Variants in TMA16 observed in about 807,000 individuals in gnomAD.
TMA16 encodes translation machinery associated 16 homolog.
A neutral mutation model predicts 27.1 loss-of-function variants in TMA16; 26 were observed. That is an observed-to-expected ratio of 0.96 (90% CI 0.70 to 1.33). TMA16 has a LOEUF of 1.33. Ranked by LOEUF, TMA16 falls within the 40% of genes most tolerant of loss-of-function variation. The pLI, the probability that TMA16 is intolerant of heterozygous loss-of-function variation, is 0.00. For synonymous variants in TMA16, 71 were observed against 81.9 expected, an observed-to-expected ratio of 0.87 and a Z score of 0.72; for missense variants, 233 against 241.4, an observed-to-expected ratio of 0.97 and a Z score of 0.23.
chr4:163,498,522 C>T (rs1219366914), intron 1 of TMA16, among the ~76,000 whole-genome samples: 1 of 152,112 alleles, frequency 6.6e-6, no homozygotes, highest in Non-Finnish European at 1.5e-5. Context: ...CTCCTGACCT[C>T]ATGATCTGCC....
intron 1 of TMA16, among the ~76,000 whole-genome samples, chr4:163,499,195 T>A (rs1212210013): frequency 6.6e-6 from 1 of 152,210 alleles, no homozygotes. Flanking sequence ...CTTTTGCTGA[T>A]CTTTTTCATA....
intron 6 of TMA16, 74 bp downstream of exon 6, chr4:163,517,550 G>A (rs1191446529): frequency 6.7e-6 from 9 of 1,339,322 alleles, no homozygotes; most frequent in Non-Finnish European, 8.3e-6. Context: ...TCCCCTTTGA[G>A]TCTAGCCGGT....
In TMA16 at chr4:163,494,734, C is replaced by T; in HGVS notation, c.-68C>T. Reference sequence around the variant, plus strand: ...GCCCGGGTGCTCTTGTGAGCTGCTGCTCCTGCGGTTGGTGAGATTACCTGG... The same window carrying T: ...GCCCGGGTGCTCTTGTGAGCTGCTGTTCCTGCGGTTGGTGAGATTACCTGG... On this transcript the variant is annotated 5_prime_UTR_variant, in exon 1 of 7. Coordinates refer to ENST00000358572, the MANE Select transcript of TMA16 (RefSeq NM_018352.3). The T allele has an allele frequency of 6.2e-7, 1 of 1,611,040 alleles. No individual in the cohort carries two copies. The highest frequency in any genetic ancestry group is 8.5e-7 in the Non-Finnish European group (1 of 1,178,332).
intron 2 of TMA16, 24 bp from the exon 3 acceptor site, chr4:163,512,798 C>T (rs1392184466): frequency 2.5e-6 from 4 of 1,578,758 alleles, no homozygotes; most frequent in South Asian, 1.2e-5. Context: ...TTTTCTAACA[C>T]ATATATTTAC....
intron 6 of TMA16, among the ~76,000 whole-genome samples, chr4:163,518,936 A>G (rs1417269124): frequency 6.6e-6 from 1 of 152,202 alleles, no homozygotes; most frequent in African/African-American, 2.4e-5. Context: ...TATTCACATT[A>G]CGTCTAAAGT....
intron 5 of TMA16, 80 bp from the exon 6 acceptor site, chr4:163,517,353 TA>T: frequency 1.5e-6 from 2 of 1,373,716 alleles, no homozygotes; most frequent in South Asian, 1.2e-5. Context: ...ATATTCTTGC[TA>T]AAAATTATTA....
chr4:163,513,592 C>A (rs1209600353), intron 3 of TMA16, among the ~76,000 whole-genome samples: 1 of 152,010 alleles, frequency 6.6e-6, no homozygotes, highest in African/African-American at 2.4e-5. Context: ...AACTTTGGGG[C>A]CCTGGACAGG....
intron 1 of TMA16, among the ~76,000 whole-genome samples, chr4:163,495,155 T>C (rs548660954): frequency 6.6e-6 from 1 of 152,326 alleles, no homozygotes; most frequent in Non-Finnish European, 1.5e-5. Flanking sequence ...TCGCTGGCCC[T>C]ACACACCTCT....
At chr4:163,517,527 A>G (rs1737899885) in intron 6 of TMA16, 51 bp downstream of exon 6, 3 of 1,523,908 alleles carry the variant, frequency 2.0e-6, no homozygotes, top group Non-Finnish European at 2.7e-6. Context: ...AGTACCTGAC[A>G]GGTGAACTTT....
chr4:163,498,477 C>T (rs573408420), intron 1 of TMA16, among the ~76,000 whole-genome samples: 6 of 151,852 alleles, frequency 4.0e-5, no homozygotes, highest in South Asian at 4.2e-4. Flanking sequence ...TTAGTAGAGA[C>T]GGGGTTTCAC....
In TMA16 at chr4:163,515,398, C is replaced by T. The variant is rs370504762; in HGVS notation, c.325C>T (p.Arg109Trp). 1.1e-5 allele frequency: 18 copies of T among 1,613,892 alleles called. No individual in the cohort carries two copies. Among genetic ancestry groups the T allele is most frequent in the East Asian group, 4.5e-5 (2 of 44,876 alleles). ...CAGGCAGGGGAGGCGGCACTGTTCC[C>T]GGGAGACCGTCATCAAGCAGACGAT... ...RDRQGRRHCS[R>W]ETVIKQTMER... Residue 109 changes from arginine (R) to tryptophan (W), a missense_variant, in exon 5 of 7, where the codon CGG (arginine) becomes TGG (tryptophan). By Grantham distance (101) the Arg-to-Trp change is moderately radical. Coordinates refer to ENST00000358572, the MANE Select transcript of TMA16 (RefSeq NM_018352.3).
rs1004322745 is a variant in TMA16, at chr4:163,519,487, A to G, written c.585A>G (p.Ser195=). The change falls in exon 7 of 7, where the codon TCA becomes TCG. Residue 195 remains serine (S), a synonymous_variant. Coordinates refer to ENST00000358572, the MANE Select transcript of TMA16 (RefSeq NM_018352.3). ...AACTAAACGATGAATCAAGTGATTC[A>G]GATGAGGAAATGACTGCAGTGGCCT... is the stretch of plus-strand genomic sequence containing the variant. ...ELELNDESSD[S]DEEMTAVA 1.3e-6 allele frequency: 2 copies of G among 1,599,930 alleles called. No homozygotes were observed. The highest frequency in any genetic ancestry group is 2.7e-5 in the African/African-American group (2 of 74,158).
Position 163,519,383 on chromosome 4 carries a change from A to G in TMA16, c.481A>G (p.Ile161Val). 1 of 1,605,878 alleles carries G rather than the reference A, an allele frequency of 6.2e-7. No individual in the cohort carries two copies. Among genetic ancestry groups the G allele is most frequent in the Admixed American group, 1.7e-5 (1 of 58,084 alleles). The stretch of plus-strand genomic sequence containing the variant: ...ATTACCAAACATTAAAATGAGAAAA[A>G]TTTGCGCTAATGATGCAATTCCCAA... The part of the protein sequence containing the change: ...KKLPNIKMRK[I>V]CANDAIPKTC... The change falls in exon 7 of 7, where the codon ATT becomes GTT. Residue 161 changes from isoleucine to valine, a missense_variant. Physicochemically the swap from Ile to Val is conservative, Grantham distance 29 (BLOSUM62 3). Coordinates refer to ENST00000358572, the MANE Select transcript of TMA16 (RefSeq NM_018352.3).
rs1400909393 is a variant in TMA16, at chr4:163,517,118, GGT to G, written c.389-315_389-314del. On this transcript the variant is annotated intron_variant, in intron 5 of 6. Transcript: ENST00000358572. ...GGGGTTTCACCTTGTTAGCCAGGAT[GGT>G]CTTGATCTCCTGACCTCCTGATCCA... 3.8e-5 allele frequency: 10 copies of G among 261,230 alleles called. No individual in the cohort carries two copies. In the East Asian group the frequency reaches 1.2e-3, roughly 32 times the overall value. The allele number at this position is 261,230 out of a possible 1,614,324, so 16.2% of individuals were successfully genotyped here.
chr4:163,515,531 G>T, intron 5 of TMA16, 70 bp downstream of exon 5: 2 of 1,416,146 alleles, frequency 1.4e-6, no homozygotes, highest in South Asian at 1.7e-5. Flanking sequence ...GATTTCAAAG[G>T]TTTTATTTTA....
chr4:163,494,919 G>A, intron 1 of TMA16, 115 bp downstream of exon 1: 3 of 1,484,806 alleles, frequency 2.0e-6, no homozygotes, highest in African/African-American at 1.4e-5. Context: ...AGGATGCAAA[G>A]TGTTTATTTT....
chr4:163,495,450 C>T (rs572483197), intron 1 of TMA16, among the ~76,000 whole-genome samples: 26 of 152,276 alleles, frequency 1.7e-4, no homozygotes, highest in African/African-American at 6.3e-4. Flanking sequence ...CTTCTTTGAA[C>T]TTTCAGGAAA....
intron 1 of TMA16, among the ~76,000 whole-genome samples, chr4:163,503,714 T>A (rs1215847095): frequency 6.6e-6 from 1 of 152,200 alleles, no homozygotes; most frequent in African/African-American, 2.4e-5. Context: ...CAGAGTCTTT[T>A]CATAGGCATA....
chr4:163,498,993 T>A (rs1461184248), intron 1 of TMA16, among the ~76,000 whole-genome samples: 1 of 149,432 alleles, frequency 6.7e-6, no homozygotes, highest in Non-Finnish European at 1.5e-5. Flanking sequence ...TCCAGAAGAC[T>A]GTACTGGCTT....
Sources: gnomAD v4.1 joint callset for allele counts (sites outside exome capture counted in the v4.1 genomes callset) on GRCh38, gnomAD v4.1.1 for gene constraint, MANE v1.5 for transcripts, NCBI Gene and HGNC (gene_info 2026-07-23, HGNC 2026-07-21) for gene names.